ACTR3B: variants seen among roughly 807,000 people sequenced by gnomAD.
ACTR3B encodes the protein actin-related protein 3B.
Under a neutral mutation model 59.0 loss-of-function variants are expected in ACTR3B, and 8 were observed. The ratio of observed to expected loss-of-function variants is 0.14; its 90% CI spans 0.08 to 0.24. ACTR3B has a LOEUF of 0.24. Ranked by LOEUF, ACTR3B falls within the 10% of genes least tolerant of loss-of-function variation. The pLI is 1.00. For missense variants in ACTR3B, 245 were observed against 552.3 expected, an observed-to-expected ratio of 0.44 and a Z score of 5.58; for synonymous variants, 148 against 197.9, an observed-to-expected ratio of 0.75 and a Z score of 2.12.
chr7:152,775,673 C>T lies in ACTR3B; in HGVS notation c.45-7514C>T, dbSNP rs1303010122. ...ACTCAGGAGGCTGAGGCAGGAGAATCGCTTGAACCCAGGAGGCGGAGGTTG... is the reference window on the plus strand; with the variant it reads ...ACTCAGGAGGCTGAGGCAGGAGAATTGCTTGAACCCAGGAGGCGGAGGTTG... On this transcript the variant is annotated intron_variant, in intron 1 of 11. Coordinates refer to ENST00000256001, the MANE Select transcript of ACTR3B (RefSeq NM_020445.6). 4.6e-5 allele frequency among the ~76,000 whole-genome samples: 7 copies of T among 151,798 alleles called. No homozygotes were observed. In the South Asian group the frequency reaches 6.2e-4, roughly 14 times the overall value.
At chr7:152,849,385 C>T (rs1054328188) in intron 9 of ACTR3B, among the ~76,000 whole-genome samples, 1 of 152,198 alleles carries the variant, frequency 6.6e-6, no homozygotes, top group South Asian at 2.1e-4. Flanking sequence ...GAAGGGTGGC[C>T]TCAGAACCGC....
intron 9 of ACTR3B, among the ~76,000 whole-genome samples, chr7:152,844,127 G>A (rs1316885159): frequency 3.9e-5 from 6 of 152,022 alleles, no homozygotes; most frequent in African/African-American, 9.7e-5. Context: ...GTGCCATCTC[G>A]GCTCACTGCA....
At chr7:152,782,419 AC>A (rs948857066) in intron 1 of ACTR3B, among the ~76,000 whole-genome samples, 2 of 149,800 alleles carry the variant, frequency 1.3e-5, no homozygotes, top group African/African-American at 4.9e-5. Flanking sequence ...TTTTCCCACC[AC>A]CCCCCCTTTT....
At chr7:152,830,756 G>A (rs1383125170) in intron 9 of ACTR3B, among the ~76,000 whole-genome samples, 1 of 152,000 alleles carries the variant, frequency 6.6e-6, no homozygotes, top group Non-Finnish European at 1.5e-5. Context: ...TTGCTCTGTT[G>A]CTCAGGCTGG....
Position 152,825,041 on chromosome 7 carries a change from A to G in ACTR3B, c.870A>G (p.Pro290=), listed in dbSNP as rs1410710091. The G allele has an allele frequency of 2.5e-6, 4 of 1,613,078 alleles. No individual in the cohort carries two copies. The African/African-American group carries it at 5.3e-5, about 22-fold the overall frequency. ...EIFFHPEFAN[P]DFMESISDVV... ...GATACACAATTCAGTTTGCCAACCC[A>G]GACTTTATGGAGTCCATCTCAGATG... Residue 290 remains proline, a synonymous_variant, in exon 9 of 12, where the codon CCA becomes CCG. Transcript: ENST00000256001.
At chr7:152,773,742 T>TGATTTTATCA (rs2098129784) in intron 1 of ACTR3B, among the ~76,000 whole-genome samples, 1 of 152,232 alleles carries the variant, frequency 6.6e-6, no homozygotes, top group African/African-American at 2.4e-5. Context: ...GATTTTATCA[T>TGATTTTATCA]TGTACTCTGA....
chr7:152,829,107 G>A (rs1796822877), intron 9 of ACTR3B, among the ~76,000 whole-genome samples: 1 of 151,748 alleles, frequency 6.6e-6, no homozygotes, highest in Non-Finnish European at 1.5e-5. Flanking sequence ...TATTTAAGGT[G>A]CACAGTGTGA....
At chr7:152,800,004 A>G (rs561731840) in intron 2 of ACTR3B, among the ~76,000 whole-genome samples, 223 of 152,320 alleles carry the variant, frequency 1.5e-3, no homozygotes, top group Middle Eastern at 6.8e-3. Flanking sequence ...TTGGCTACAG[A>G]TATTAACCAA....
chr7:152,808,489 C>T (rs1181578079), intron 4 of ACTR3B, among the ~76,000 whole-genome samples: 1 of 151,786 alleles, frequency 6.6e-6, no homozygotes, highest in Non-Finnish European at 1.5e-5. Flanking sequence ...TGAACTTAGA[C>T]CCAGAGAGAA....
intron 9 of ACTR3B, among the ~76,000 whole-genome samples, chr7:152,829,475 G>A (rs1176921893): frequency 2.0e-5 from 3 of 152,188 alleles, no homozygotes; most frequent in African/African-American, 4.8e-5. Context: ...TCATCTGTCC[G>A]ATTTTTATTT....
At chr7:152,845,004 T>C (rs534548608) in intron 9 of ACTR3B, among the ~76,000 whole-genome samples, 115 of 148,586 alleles carry the variant, frequency 7.7e-4, no homozygotes, top group Non-Finnish European at 1.3e-3. Context: ...TGAGCTCTCA[T>C]ACAGTGGTCG....
At chr7:152,851,028 C>A (rs990947600) in intron 9 of ACTR3B, among the ~76,000 whole-genome samples, 3 of 152,178 alleles carry the variant, frequency 2.0e-5, no homozygotes. Flanking sequence ...ATACACTAGT[C>A]CCCCTTGTCA....
chr7:152,814,594 A>G lies in ACTR3B; in HGVS notation c.381A>G (p.Ala127=), dbSNP rs1362814947. The change falls in exon 5 of 12, where the codon GCA becomes GCG. Residue 127 remains alanine, a synonymous_variant. Coordinates refer to ENST00000256001, the MANE Select transcript of ACTR3B (RefSeq NM_020445.6). Reference sequence around the variant, plus strand: ...CACCAGAAAACAGAGAGTATCTTGCAGAAATTATGTTTGAATCATTTAACG... The same window carrying G: ...CACCAGAAAACAGAGAGTATCTTGCGGAAATTATGTTTGAATCATTTAACG... ...LNTPENREYL[A]EIMFESFNVP... The G allele has an allele frequency of 1.9e-6, 3 of 1,613,636 alleles. No individual in the cohort carries two copies.
chr7:152,848,533 T>C (rs1798544195), intron 9 of ACTR3B, among the ~76,000 whole-genome samples: 1 of 152,222 alleles, frequency 6.6e-6, no homozygotes. Flanking sequence ...TTCCAAGCAC[T>C]GACCCATCCT....
At chr7:152,820,167 G>A in intron 6 of ACTR3B, 132 bp from the exon 7 acceptor site, 1 of 1,489,874 alleles carries the variant, frequency 6.7e-7, no homozygotes, top group Middle Eastern at 1.8e-4. Context: ...TGCAGAGGGT[G>A]GGGATTATGT....
At chr7:152,782,863 C>T (rs1310449445) in intron 1 of ACTR3B, among the ~76,000 whole-genome samples, 1 of 152,130 alleles carries the variant, frequency 6.6e-6, no homozygotes, top group East Asian at 1.9e-4. Context: ...CTACTTTCTT[C>T]ACAGGGTTTT....
At chr7:152,787,108 G>T (rs572842818) in intron 2 of ACTR3B, among the ~76,000 whole-genome samples, 1 of 152,098 alleles carries the variant, frequency 6.6e-6, no homozygotes, top group Non-Finnish European at 1.5e-5. Flanking sequence ...GTATTGCCAC[G>T]TTACTCCTCC....
chr7:152,798,098 T>A (rs2098223523), intron 2 of ACTR3B, among the ~76,000 whole-genome samples: 1 of 152,288 alleles, frequency 6.6e-6, no homozygotes, highest in East Asian at 1.9e-4. Flanking sequence ...TTTAATTGTT[T>A]GAGGAGCCTC....
At chr7:152,760,633 C>A (rs147256340) in intron 1 of ACTR3B, among the ~76,000 whole-genome samples, 1 of 152,180 alleles carries the variant, frequency 6.6e-6, no homozygotes, top group African/African-American at 2.4e-5. Context: ...TTGAAAAATA[C>A]CCTAAATTTG....
Sources: allele counts gnomAD v4.1 joint callset (sites outside exome capture counted in the v4.1 genomes callset), GRCh38; gene constraint gnomAD v4.1.1; transcripts MANE v1.5; gene names NCBI Gene and HGNC (gene_info 2026-07-23, HGNC 2026-07-21).